Variants in KCNMB2 observed in about 807,000 individuals in gnomAD.
KCNMB2 encodes the protein calcium-activated potassium channel subunit beta-2.
A neutral mutation model predicts 24.5 loss-of-function variants in KCNMB2; 9 were observed. The observed-to-expected ratio is 0.37, with a 90% CI of 0.22 to 0.64. The LOEUF is 0.64. KCNMB2 is among the 30% of genes least tolerant of loss of function. The pLI, the probability that KCNMB2 is intolerant of heterozygous loss-of-function variation, is 0.63. For synonymous variants in KCNMB2, 109 were observed against 104.4 expected (o/e 1.04, Z -0.27); for missense variants, 226 against 284.3 (o/e 0.79, Z 1.47).
At chr3:178,759,509 A>ATATC (rs1200301650) in intron 1 of KCNMB2, among the ~76,000 whole-genome samples, 1 of 99,904 alleles carries the variant, frequency 1.0e-5, no homozygotes, top group Admixed American at 1.1e-4. Context: ...ATATATATAT[A>ATATC]TCTCTCCAAG....
intron 1 of KCNMB2, chr3:178,537,291 C>A (rs1231803727): frequency 6.6e-6 from 1 of 152,090 alleles, no homozygotes; most frequent in East Asian, 1.9e-4. Context: ...GAAAGGCTGA[C>A]CCACACTGTT....
At chr3:178,567,651 A>G (rs1189651182) in intron 1 of KCNMB2, among the ~76,000 whole-genome samples, 1 of 151,950 alleles carries the variant, frequency 6.6e-6, no homozygotes, top group Non-Finnish European at 1.5e-5. Context: ...AGACAAACAT[A>G]ACTTAAAGAG....
chr3:178,742,847 G>A (rs1723540247), intron 1 of KCNMB2, among the ~76,000 whole-genome samples: 1 of 152,130 alleles, frequency 6.6e-6, no homozygotes, highest in Admixed American at 6.6e-5. Flanking sequence ...TCACTGTGCT[G>A]TGTGTACACT....
At chr3:178,751,582 A>AC in intron 1 of KCNMB2, among the ~76,000 whole-genome samples, 1 of 111,528 alleles carries the variant, frequency 9.0e-6, no homozygotes, top group Non-Finnish European at 2.2e-5. Context: ...TCAAAAAAAA[A>AC]AAAAAAAAAA....
intron 1 of KCNMB2, among the ~76,000 whole-genome samples, chr3:178,703,933 T>C (rs1722191811): frequency 6.6e-6 from 1 of 152,132 alleles, no homozygotes; most frequent in African/African-American, 2.4e-5. Context: ...TTCCCAGAGT[T>C]TTAAGTCCAG....
chr3:178,711,303 A>G (rs1044001777), intron 1 of KCNMB2, among the ~76,000 whole-genome samples: 2 of 152,190 alleles, frequency 1.3e-5, no homozygotes, highest in African/African-American at 4.8e-5. Flanking sequence ...TCACAGTACA[A>G]GTAAAAACTC....
At chr3:178,630,341 C>T (rs547014055) in intron 1 of KCNMB2, among the ~76,000 whole-genome samples, 12 of 152,310 alleles carry the variant, frequency 7.9e-5, no homozygotes, top group East Asian at 3.9e-4. Flanking sequence ...AAATCATCTT[C>T]GAAATAAAAT....
chr3:178,826,684 C>A (rs1381621344), intron 3 of KCNMB2, among the ~76,000 whole-genome samples: 1 of 152,170 alleles, frequency 6.6e-6, no homozygotes, highest in Non-Finnish European at 1.5e-5. Context: ...AGGTTTCAAT[C>A]CAAAAGAAAA....
intron 1 of KCNMB2, among the ~76,000 whole-genome samples, chr3:178,580,060 A>AC (rs1288593635): frequency 1.3e-5 from 2 of 152,094 alleles, no homozygotes; most frequent in Admixed American, 1.3e-4. Context: ...GGCAGACACA[A>AC]AACAAAAAAA....
At chr3:178,658,907 A>C (rs1720433217) in intron 1 of KCNMB2, among the ~76,000 whole-genome samples, 7 of 152,230 alleles carry the variant, frequency 4.6e-5, no homozygotes, top group Admixed American at 4.6e-4. Context: ...GTGCTGAGTG[A>C]ACATGAATGA....
At chr3:178,721,307 G>A (rs934517415) in intron 1 of KCNMB2, among the ~76,000 whole-genome samples, 4 of 152,118 alleles carry the variant, frequency 2.6e-5, no homozygotes, top group South Asian at 2.1e-4. Context: ...TTATTTCTGA[G>A]GGCTCTGTTC....
rs1577014542 is a variant in KCNMB2 at position 178,566,318 on chromosome 3, T to G, written c.-68+29607T>G. 2.0e-5 allele frequency among the ~76,000 whole-genome samples: 3 copies of G among 152,352 alleles called. No homozygotes were observed. The South Asian group carries it at 6.2e-4, about 32-fold the overall frequency. On this transcript the variant is annotated intron_variant, in intron 1 of 4. Coordinates refer to ENST00000452583, the MANE Select transcript of KCNMB2 (RefSeq NM_181361.3). Reference sequence around the variant, plus strand: ...AAGGTATTAATTTTCTATTAGATACTTTTAGAGGTAGGTCTAAATATAAAT... The same window carrying G: ...AAGGTATTAATTTTCTATTAGATACGTTTAGAGGTAGGTCTAAATATAAAT...
At chr3:178,702,585 C>A (rs959948692) in intron 1 of KCNMB2, among the ~76,000 whole-genome samples, 2 of 152,084 alleles carry the variant, frequency 1.3e-5, no homozygotes, top group Admixed American at 6.6e-5. Context: ...CTGTGACTGC[C>A]TATCAAAACT....
At chr3:178,633,089 C>T (rs1367385020) in intron 1 of KCNMB2, among the ~76,000 whole-genome samples, 1 of 152,238 alleles carries the variant, frequency 6.6e-6, no homozygotes, top group Non-Finnish European at 1.5e-5. Context: ...TCTTGGGCAG[C>T]TCCGCCCCTG....
chr3:178,666,637 T>A (rs1005386939), intron 1 of KCNMB2, among the ~76,000 whole-genome samples: 3 of 152,182 alleles, frequency 2.0e-5, no homozygotes, highest in Admixed American at 2.0e-4. Flanking sequence ...CTTATTTCAC[T>A]TCTAAGTAGA....
chr3:178,575,835 C>T (rs1577022036), intron 1 of KCNMB2, among the ~76,000 whole-genome samples: 1 of 152,154 alleles, frequency 6.6e-6, no homozygotes, highest in South Asian at 2.1e-4. Flanking sequence ...ATATTTATGT[C>T]ATCCCTGTTG....
At chr3:178,559,439 A>C (rs1475903663) in intron 1 of KCNMB2, among the ~76,000 whole-genome samples, 1 of 151,904 alleles carries the variant, frequency 6.6e-6, no homozygotes, top group Non-Finnish European at 1.5e-5. Flanking sequence ...GTATTTGAAC[A>C]ATTTTTTAAA....
chr3:178,732,992 T>C (rs1294466974), intron 1 of KCNMB2, among the ~76,000 whole-genome samples: 4 of 152,180 alleles, frequency 2.6e-5, no homozygotes, highest in Non-Finnish European at 4.4e-5. Context: ...AGACAGGCCA[T>C]AGATGATGAT....
intron 1 of KCNMB2, among the ~76,000 whole-genome samples, chr3:178,667,627 T>C (rs544195684): frequency 6.6e-6 from 1 of 152,196 alleles, no homozygotes; most frequent in South Asian, 2.1e-4. Flanking sequence ...GTGGCCTCAA[T>C]TTACAGCCAA....
Sources: allele counts gnomAD v4.1 joint callset (sites outside exome capture counted in the v4.1 genomes callset), GRCh38; gene constraint gnomAD v4.1.1; transcripts MANE v1.5; gene names NCBI Gene and HGNC (gene_info 2026-07-23, HGNC 2026-07-21).